Variants in TMEM255A observed in about 807,000 individuals in gnomAD.
The protein encoded by TMEM255A is transmembrane protein 255A, also known as family with sequence similarity 70, member A.
A neutral mutation model predicts 23.5 loss-of-function variants in TMEM255A; 14 were observed. The observed-to-expected ratio is 0.60, with a 90% CI of 0.39 to 0.93. The LOEUF (loss-of-function observed/expected upper bound fraction) is 0.93. TMEM255A is among the 40% of genes least tolerant of loss of function. The pLI, the probability that TMEM255A is intolerant of heterozygous loss-of-function variation, is 0.00. For synonymous variants in TMEM255A, 104 were observed against 100.3 expected, an observed-to-expected ratio of 1.04 and a Z score of -0.22; for missense variants, 233 against 261.7, an observed-to-expected ratio of 0.89 and a Z score of 0.76.
intron 5 of TMEM255A, chrX:120,285,807 A>C (rs2057871215): frequency 8.4e-7 from 1 of 1,197,099 alleles, no homozygotes; most frequent in South Asian, 1.8e-5. Flanking sequence ...TATCACAACA[A>C]AATCTAGAGA....
intron 2 of TMEM255A, among the ~76,000 whole-genome samples, chrX:120,294,822 G>C (rs2057943576): frequency 8.9e-6 from 1 of 111,988 alleles, no homozygotes; most frequent in South Asian, 3.7e-4. Flanking sequence ...AACTCAGGAA[G>C]TACTTTAGAA....
intron 1 of TMEM255A, among the ~76,000 whole-genome samples, chrX:120,308,316 C>A (rs1014530492): frequency 8.9e-6 from 1 of 111,801 alleles, no homozygotes; most frequent in Non-Finnish European, 1.9e-5. Context: ...TTTGTTTTAC[C>A]TTGCACACGT....
rs1368536823 is a variant in TMEM255A, at chrX:120,259,094, A to T, written c.*1776T>A. 4.4e-5 allele frequency: 5 copies of T among 112,682 alleles called. No homozygotes were observed. Among genetic ancestry groups the T allele is most frequent in the African/African-American group, 1.3e-4 (4 of 30,949 alleles). 9.3% of individuals were successfully genotyped at this position (112,682 alleles called of 1,213,427 possible). A position where few individuals can be genotyped will look rare whatever the true frequency, so the allele number is the denominator to read the frequency against. On this transcript the variant is annotated 3_prime_UTR_variant, in exon 9 of 9. Coordinates refer to ENST00000371369, the MANE Select transcript of TMEM255A (RefSeq NM_001104544.3). ...TGATAAATGTAGGATAAACTGTGTA[A>T]TGGTGCCTTAAAAAATTAAATATGG...
chrX:120,307,053 C>T (rs2058069714), intron 1 of TMEM255A, among the ~76,000 whole-genome samples: 1 of 112,238 alleles, frequency 8.9e-6, no homozygotes, highest in South Asian at 3.7e-4. Context: ...CCTTCCCTGT[C>T]ACCACTTATT....
At chrX:120,275,325 A>G (rs1306620083) in intron 7 of TMEM255A, among the ~76,000 whole-genome samples, 1 of 112,007 alleles carries the variant, frequency 8.9e-6, no homozygotes, top group African/African-American at 3.3e-5. Context: ...GATGGGCAGG[A>G]AAGGATTTCT....
the TMEM255A span, chrX:120,253,289 A>G: frequency 1.4e-6 from 1 of 737,257 alleles, no homozygotes; most frequent in Non-Finnish European, 1.9e-6. Flanking sequence ...AAGCCAAAAA[A>G]TTATGCTGAA....
chrX:120,304,435 C>T lies in TMEM255A; in HGVS notation c.115G>A (p.Val39Met), dbSNP rs782561711. The part of the protein sequence containing the change: ...SIYVTVTLLI[V>M]SVLILTVGLA... ...CCCACTGTGAGAATTAACACGGACA[C>T]AATAAGCAAAGTCACGGTGACATAG... Residue 39 changes from valine to methionine, a missense_variant, in exon 2 of 9, where the codon GTG becomes ATG. Transcript: ENST00000371369. 2 of 1,210,304 alleles carry T rather than the reference C, an allele frequency of 1.7e-6. No homozygotes were observed. Among genetic ancestry groups the T allele is most frequent in the Non-Finnish European group, 2.2e-6 (2 of 894,492 alleles).
At chrX:120,307,766 C>T (rs2058073933) in intron 1 of TMEM255A, among the ~76,000 whole-genome samples, 2 of 111,961 alleles carry the variant, frequency 1.8e-5, no homozygotes, top group Non-Finnish European at 3.8e-5. Context: ...CAGTATATTT[C>T]TGCTTAAACA....
chrX:120,252,983 A>G, the TMEM255A span, among the ~76,000 whole-genome samples: 20 of 112,254 alleles, frequency 1.8e-4, no homozygotes, highest in East Asian at 1.4e-3. Flanking sequence ...TGACATTTCA[A>G]TCATTTACAG....
At chrX:120,293,433 GA>G (rs1556023392) in intron 3 of TMEM255A, among the ~76,000 whole-genome samples, 1 of 112,689 alleles carries the variant, frequency 8.9e-6, no homozygotes, top group Non-Finnish European at 1.9e-5. Flanking sequence ...GCTTAGCTTT[GA>G]ACTATGGGTA....
At chrX:120,278,569 C>T (rs1018559965) in intron 6 of TMEM255A, among the ~76,000 whole-genome samples, 1 of 111,963 alleles carries the variant, frequency 8.9e-6, no homozygotes, top group African/African-American at 3.3e-5. Flanking sequence ...AATGAAAGTT[C>T]CTGTCCTCCT....
intron 7 of TMEM255A, among the ~76,000 whole-genome samples, chrX:120,272,623 T>C (rs781830701): frequency 9.0e-6 from 1 of 111,701 alleles, no homozygotes; most frequent in African/African-American, 3.3e-5. Context: ...CCTGTTGCCA[T>C]GTAAGATGTG....
At chrX:120,268,494 A>G (rs1300047413) in intron 7 of TMEM255A, 107 bp from the exon 8 acceptor site, 8 of 567,481 alleles carry the variant, frequency 1.4e-5, no homozygotes, top group Non-Finnish European at 2.1e-5. Flanking sequence ...CTATTGATAA[A>G]CAATGATGTG....
At position 120,277,005 on chromosome X, in the gene TMEM255A, G is replaced by A. The variant is rs369030491; in HGVS notation, c.555C>T (p.Val185=). ...GGTGGATGATATCTTGGCAACTGCT[G>A]ACATCGATGTATTCGTAGTACCCAC... ...ITGGYYEYID[V]SSCQDIIHLY... The change falls in exon 7 of 9, where the codon GTC becomes GTT. Residue 185 remains valine (V), a synonymous_variant. Transcript: ENST00000371369. The A allele has an allele frequency of 1.3e-5, 16 of 1,209,120 alleles. No homozygotes were observed. In the African/African-American group the frequency reaches 2.8e-4, roughly 21 times the overall value.
At chrX:120,302,224 C>T (rs181153434) in intron 2 of TMEM255A, among the ~76,000 whole-genome samples, 3 of 111,247 alleles carry the variant, frequency 2.7e-5, no homozygotes, top group Non-Finnish European at 5.7e-5. Context: ...CCTTTGTTAA[C>T]GTATTCCAAC....
chrX:120,308,205 G>A (rs1556027485), intron 1 of TMEM255A, among the ~76,000 whole-genome samples: 1 of 111,828 alleles, frequency 8.9e-6, no homozygotes, highest in Non-Finnish European at 1.9e-5. Flanking sequence ...TGTAACCGTG[G>A]GTCTGGTCCA....
At chrX:120,277,120 T>C in intron 6 of TMEM255A, 73 bp from the exon 7 acceptor site, 5 of 971,296 alleles carry the variant, frequency 5.1e-6, no homozygotes, top group South Asian at 2.3e-5. Context: ...TCCCCAACTC[T>C]GGGATTGGGC....
intron 7 of TMEM255A, among the ~76,000 whole-genome samples, chrX:120,274,134 A>T (rs939900237): frequency 7.1e-5 from 8 of 112,393 alleles, no homozygotes; most frequent in African/African-American, 2.6e-4. Flanking sequence ...AAACAAAAAA[A>T]ATATGATAAG....
downstream of TMEM255A, chrX:120,254,861 T>A (rs781874187): frequency 3.6e-5 from 44 of 1,210,382 alleles, no homozygotes; most frequent in Non-Finnish European, 4.9e-5. Context: ...AACATGATGA[T>A]CACTATGAGT....
Sources: allele counts gnomAD v4.1 joint callset (sites outside exome capture counted in the v4.1 genomes callset), GRCh38; gene constraint gnomAD v4.1.1; transcripts MANE v1.5; gene names NCBI Gene and HGNC (gene_info 2026-07-23, HGNC 2026-07-21).